The following EPHA6 variants were observed in gnomAD, a reference collection of about 807,000 sequenced individuals.
The protein encoded by EPHA6 is EPH receptor A6, also known as ephrin type-A receptor 6.
A neutral mutation model predicts 112.0 loss-of-function variants in EPHA6; 50 were observed. The observed-to-expected ratio is 0.45, with a 90% CI of 0.36 to 0.56. The LOEUF (loss-of-function observed/expected upper bound fraction) is 0.56, where lower values mean the gene tolerates loss of function less well. Ranked by LOEUF, EPHA6 falls within the 20% of genes least tolerant of loss-of-function variation. The pLI, the probability that EPHA6 is intolerant of heterozygous loss-of-function variation, is 0.00. For synonymous variants in EPHA6, 529 were observed against 490.7 expected, an observed-to-expected ratio of 1.08 and a Z score of -1.03; for missense variants, 1,280 against 1,417.4, an observed-to-expected ratio of 0.90 and a Z score of 1.56.
chr3:97,574,326 G>C (rs2107243752), intron 11 of EPHA6, among the ~76,000 whole-genome samples: 1 of 152,280 alleles, frequency 6.6e-6, no homozygotes, highest in East Asian at 1.9e-4. Context: ...GCTTAGGGCA[G>C]TCTCACTGGA....
chr3:96,889,721 C>A (rs987696254), intron 2 of EPHA6, among the ~76,000 whole-genome samples: 3 of 152,078 alleles, frequency 2.0e-5, no homozygotes, highest in Non-Finnish European at 4.4e-5. Flanking sequence ...CAAAGAATAG[C>A]TAAGGAAATC....
At chr3:97,481,784 A>C (rs2091561035) in intron 9 of EPHA6, among the ~76,000 whole-genome samples, 1 of 152,222 alleles carries the variant, frequency 6.6e-6, no homozygotes, top group African/African-American at 2.4e-5. Context: ...GGCATGGGAT[A>C]ACATGGAAAG....
chr3:96,946,668 A>G (rs1255554066), intron 2 of EPHA6, among the ~76,000 whole-genome samples: 1 of 152,210 alleles, frequency 6.6e-6, no homozygotes, highest in Non-Finnish European at 1.5e-5. Flanking sequence ...AGAATGATTT[A>G]TAATCCTTTG....
intron 5 of EPHA6, among the ~76,000 whole-genome samples, chr3:97,402,011 G>A (rs1037753254): frequency 5.9e-5 from 9 of 151,818 alleles, no homozygotes; most frequent in African/African-American, 1.5e-4. Flanking sequence ...TATTGTGATC[G>A]GAAAAGACAC....
intron 11 of EPHA6, among the ~76,000 whole-genome samples, chr3:97,558,078 A>G (rs894113961): frequency 2.0e-5 from 3 of 151,966 alleles, no homozygotes; most frequent in Non-Finnish European, 4.4e-5. Flanking sequence ...CAATCAATAT[A>G]AATAAGATTA....
At chr3:97,529,003 A>G (rs2107640577) in intron 10 of EPHA6, among the ~76,000 whole-genome samples, 1 of 152,244 alleles carries the variant, frequency 6.6e-6, no homozygotes, top group South Asian at 2.1e-4. Flanking sequence ...TTAATAGTGA[A>G]GCATTCCTAG....
rs562924008 is a variant in EPHA6 at position 97,330,574 on chromosome 3, G to A, written c.1607-74576G>A. On this transcript the variant is annotated intron_variant, in intron 5 of 17. Transcript: ENST00000389672. Reference sequence around the variant, plus strand: ...GATTCCTAGGCATTTAATTCTCTTTGAAGCAGGCAGGGGTTGCAATCCTAG... The same window carrying A: ...GATTCCTAGGCATTTAATTCTCTTTAAAGCAGGCAGGGGTTGCAATCCTAG... Among the ~76,000 whole-genome samples, 14 of 151,870 alleles carry A rather than the reference G, an allele frequency of 9.2e-5. No homozygotes were observed. The South Asian group carries it at 2.9e-3, about 32-fold the overall frequency.
intron 5 of EPHA6, among the ~76,000 whole-genome samples, chr3:97,250,116 T>C (rs185784113): frequency 6.6e-6 from 1 of 152,198 alleles, no homozygotes; most frequent in East Asian, 1.9e-4. Context: ...TTACAGGCAA[T>C]GGATATAAAA....
chr3:97,035,868 C>T (rs2045072523), intron 3 of EPHA6, among the ~76,000 whole-genome samples: 1 of 151,778 alleles, frequency 6.6e-6, no homozygotes. Flanking sequence ...TGTATTTCCC[C>T]AAAACCTCAT....
rs1560226035 is a variant in EPHA6, at chr3:97,645,630, CGT to C, written c.2784+7549_2784+7550del. Among the ~76,000 whole-genome samples the C allele has an allele frequency of 1.9e-4, 29 of 150,584 alleles. 1 individual carries two copies. In the South Asian group the frequency reaches 5.7e-3, roughly 29 times the overall value. ...TGTATACATATGTAACTAACCTGCA[CGT>C]TGTGCACATGTACCCTAAAACTTAA... On this transcript the variant is annotated intron_variant, in intron 14 of 17. Transcript: ENST00000389672.
intron 5 of EPHA6, among the ~76,000 whole-genome samples, chr3:97,260,081 A>T (rs1276791383): frequency 6.6e-6 from 1 of 152,212 alleles, no homozygotes; most frequent in Non-Finnish European, 1.5e-5. Context: ...GATTACAGGC[A>T]TGAGCCACCG....
At chr3:97,481,084 C>T (rs1008878308) in intron 9 of EPHA6, 5 of 488,522 alleles carry the variant, frequency 1.0e-5, no homozygotes, top group African/African-American at 7.8e-5. Flanking sequence ...GGCAGCGGGG[C>T]AGAGGCTGCA....
At chr3:97,450,695 C>T (rs1394099583) in intron 7 of EPHA6, among the ~76,000 whole-genome samples, 1 of 152,024 alleles carries the variant, frequency 6.6e-6, no homozygotes, top group Non-Finnish European at 1.5e-5. Context: ...TAACTCAGTA[C>T]AATTCACTCA....
At chr3:97,334,876 C>T (rs529253324) in intron 5 of EPHA6, among the ~76,000 whole-genome samples, 4 of 152,020 alleles carry the variant, frequency 2.6e-5, no homozygotes, top group Non-Finnish European at 5.9e-5. Flanking sequence ...CCATTGATTT[C>T]TCATTTGATT....
At chr3:97,000,056 A>G (rs1450901404) in intron 3 of EPHA6, among the ~76,000 whole-genome samples, 3 of 151,870 alleles carry the variant, frequency 2.0e-5, no homozygotes, top group Non-Finnish European at 4.4e-5. Flanking sequence ...GTAGCAACCA[A>G]GACAAAGAAA....
chr3:96,999,234 TTTG>T (rs2043539196), intron 3 of EPHA6, among the ~76,000 whole-genome samples: 2 of 151,930 alleles, frequency 1.3e-5, no homozygotes, highest in African/African-American at 4.8e-5. Flanking sequence ...AGTTTTTTTA[TTTG>T]AAAAGTTTGT....
At chr3:97,313,563 T>C (rs1559872963) in intron 5 of EPHA6, among the ~76,000 whole-genome samples, 2 of 151,662 alleles carry the variant, frequency 1.3e-5, no homozygotes, top group Non-Finnish European at 3.0e-5. Flanking sequence ...AGTCTGCTTT[T>C]GATACTAACC....
At chr3:97,311,899 G>A (rs565619627) in intron 5 of EPHA6, among the ~76,000 whole-genome samples, 17 of 151,010 alleles carry the variant, frequency 1.1e-4, no homozygotes, top group South Asian at 6.2e-4. Flanking sequence ...AGAATACACC[G>A]GATTTATAAC....
rs747807400 is a variant in EPHA6, at chr3:97,475,375, G to A, written c.1918G>A (p.Gly640Arg). The change falls in exon 8 of 18, where the codon GGA (glycine) becomes AGA (arginine). Residue 640 changes from glycine to arginine, a missense_variant. Physicochemically the swap from Gly to Arg is moderately radical, Grantham distance 125. Around this residue, in one of 4 missense-constraint regions of EPHA6, gnomAD observed 878 missense variants for 999.7 expected, o/e 0.88. Transcript: ENST00000389672. ...AGCTTCTGACATGGCAGCAGAACAA[G>A]GACAGATTCTCGTGATAGCCACCGC... ...DETSDMAAEQGQILVIATAAV... is the reference protein window; with the variant it reads ...DETSDMAAEQRQILVIATAAV... 5 of 1,611,780 alleles carry A rather than the reference G, an allele frequency of 3.1e-6. No homozygotes were observed. Among genetic ancestry groups the A allele is most frequent in the Non-Finnish European group, 4.2e-6 (5 of 1,178,794 alleles).
Sources: allele counts gnomAD v4.1 joint callset (sites outside exome capture counted in the v4.1 genomes callset), GRCh38; gene constraint gnomAD v4.1.1; regional missense constraint gnomAD v4.1.1; transcripts MANE v1.5; gene names NCBI Gene and HGNC (gene_info 2026-07-23, HGNC 2026-07-21).